NDST3: variants seen among roughly 807,000 people sequenced by gnomAD.
The protein encoded by NDST3 is N-deacetylase and N-sulfotransferase 3.
Under a neutral mutation model 96.1 loss-of-function variants are expected in NDST3, and 58 were observed. The ratio of observed to expected loss-of-function variants is 0.60; its 90% confidence interval spans 0.49 to 0.75. The LOEUF is 0.75. Among genes scored for constraint, NDST3 ranks in the 30% least tolerant of loss-of-function variants. The pLI is 0.00. For synonymous variants in NDST3, 333 were observed against 359.7 expected (o/e 0.93, Z 0.84); for missense variants, 788 against 1,034.2 (o/e 0.76, Z 3.27).
intron 12 of NDST3, among the ~76,000 whole-genome samples, chr4:118,243,807 G>C (rs1016199817): frequency 6.6e-6 from 1 of 152,162 alleles, no homozygotes. Context: ...CCTGCATGCT[G>C]TGTATTTGTC....
At chr4:118,052,363 T>C (rs929911125) in intron 1 of NDST3, among the ~76,000 whole-genome samples, 8 of 151,800 alleles carry the variant, frequency 5.3e-5, no homozygotes, top group South Asian at 2.1e-4. Context: ...ACAAGAACAA[T>C]AGACACTGTG....
intron 6 of NDST3, among the ~76,000 whole-genome samples, chr4:118,187,317 T>C (rs555136403): frequency 6.6e-6 from 1 of 152,348 alleles, no homozygotes; most frequent in South Asian, 2.1e-4. Flanking sequence ...TAGAATCTGC[T>C]ACAGAGCCTA....
intron 6 of NDST3, among the ~76,000 whole-genome samples, chr4:118,205,938 T>C (rs530617081): frequency 7.1e-6 from 1 of 141,170 alleles, no homozygotes; most frequent in South Asian, 2.5e-4. Flanking sequence ...GTTCACACCC[T>C]TCTCCTGCCT....
chr4:118,106,886 C>T (rs549219000), intron 3 of NDST3, among the ~76,000 whole-genome samples: 1 of 152,008 alleles, frequency 6.6e-6, no homozygotes, highest in Non-Finnish European at 1.5e-5. Context: ...GTCAGGAGAT[C>T]GAGATCATCC....
chr4:118,205,884 G>T (rs1738407915), intron 6 of NDST3, among the ~76,000 whole-genome samples: 1 of 134,858 alleles, frequency 7.4e-6, no homozygotes, highest in Admixed American at 7.5e-5. Flanking sequence ...CCAGGCTGGA[G>T]TGCAGTGCCG....
At chr4:118,183,380 A>G (rs1324797384) in intron 6 of NDST3, among the ~76,000 whole-genome samples, 1 of 152,154 alleles carries the variant, frequency 6.6e-6, no homozygotes, top group Non-Finnish European at 1.5e-5. Flanking sequence ...TGAGGATTCA[A>G]GGATACTGGT....
intron 2 of NDST3, among the ~76,000 whole-genome samples, chr4:118,072,783 A>G (rs1430921462): frequency 6.6e-6 from 1 of 152,098 alleles, no homozygotes; most frequent in Non-Finnish European, 1.5e-5. Flanking sequence ...GAGTAGTGAC[A>G]GTGGGCATCC....
At chr4:118,162,495 G>A (rs1449452556) in intron 6 of NDST3, among the ~76,000 whole-genome samples, 1 of 151,914 alleles carries the variant, frequency 6.6e-6, no homozygotes, top group African/African-American at 2.4e-5. Flanking sequence ...AACAAGCAAT[G>A]GGGAAAGGAT....
At chr4:118,153,380 A>C (rs972151402) in intron 6 of NDST3, among the ~76,000 whole-genome samples, 4 of 152,238 alleles carry the variant, frequency 2.6e-5, no homozygotes, top group African/African-American at 2.4e-5. Flanking sequence ...AAAATATTTT[A>C]TAAATGAATG....
chr4:118,155,372 C>T (rs924103211), intron 6 of NDST3, among the ~76,000 whole-genome samples: 12 of 152,154 alleles, frequency 7.9e-5, no homozygotes, highest in Middle Eastern at 3.2e-3. Flanking sequence ...CTTCCTACAT[C>T]CCAAAAATGT....
At chr4:118,238,616 C>A (rs1460043021) in intron 10 of NDST3, among the ~76,000 whole-genome samples, 1 of 152,042 alleles carries the variant, frequency 6.6e-6, no homozygotes, top group Non-Finnish European at 1.5e-5. Context: ...TGTGTTTATC[C>A]GTTCATCAAG....
intron 3 of NDST3, among the ~76,000 whole-genome samples, chr4:118,105,385 TAC>T (rs1266525480): frequency 1.3e-5 from 2 of 152,202 alleles, no homozygotes; most frequent in African/African-American, 4.8e-5. Flanking sequence ...TTTCAACGTG[TAC>T]ACAGCTGTGT....
chr4:118,115,091 C>T (rs1041407382), intron 4 of NDST3, 131 bp downstream of exon 4: 18 of 894,154 alleles, frequency 2.0e-5, no homozygotes, highest in South Asian at 1.4e-4. Flanking sequence ...TTGGTATTGC[C>T]GCCTTTCAGT....
chr4:118,237,280 GT>G, intron 10 of NDST3, 60 bp downstream of exon 10: 1 of 1,358,582 alleles, frequency 7.4e-7, no homozygotes, highest in Non-Finnish European at 9.8e-7. Context: ...ATGGAGCATT[GT>G]TTTTAGCAAT....
chr4:118,175,173 C>T (rs965171089), intron 6 of NDST3, among the ~76,000 whole-genome samples: 1 of 152,026 alleles, frequency 6.6e-6, no homozygotes, highest in Non-Finnish European at 1.5e-5. Context: ...CACAGAGGTA[C>T]CTAGAGATTT....
intron 6 of NDST3, among the ~76,000 whole-genome samples, chr4:118,159,115 T>C (rs980795581): frequency 1.3e-5 from 2 of 152,224 alleles, no homozygotes; most frequent in Non-Finnish European, 1.5e-5. Context: ...TTTTTGTACA[T>C]TGAACATTTA....
At chr4:118,078,471 G>A (rs1185721890) in intron 2 of NDST3, among the ~76,000 whole-genome samples, 2 of 152,152 alleles carry the variant, frequency 1.3e-5, no homozygotes, top group African/African-American at 2.4e-5. Flanking sequence ...AAGATCAGTG[G>A]CCGGGCACGG....
At chr4:118,245,226 C>A (rs1282023344) in intron 12 of NDST3, among the ~76,000 whole-genome samples, 1 of 152,122 alleles carries the variant, frequency 6.6e-6, no homozygotes, top group Non-Finnish European at 1.5e-5. Context: ...GCCATCAATG[C>A]CAATGACAGA....
chr4:118,214,288 C>G lies in NDST3; in HGVS notation c.1540-10203C>G, dbSNP rs369596703. Among the ~76,000 whole-genome samples, 21 of 152,244 alleles carry G rather than the reference C, an allele frequency of 1.4e-4. 1 individual carries two copies. In the East Asian group the frequency reaches 3.7e-3, roughly 27 times the overall value. ...GACTCTTGAAGCATTAAGGTACAGA[C>G]TCTACAGCTGCACCAGCCACATGTG... is the stretch of plus-strand genomic sequence containing the variant. On this transcript the variant is annotated intron_variant, in intron 6 of 13. Transcript: ENST00000296499.
Sources: allele counts gnomAD v4.1 joint callset (sites outside exome capture counted in the v4.1 genomes callset), GRCh38; gene constraint gnomAD v4.1.1; transcripts MANE v1.5; gene names NCBI Gene and HGNC (gene_info 2026-07-23, HGNC 2026-07-21).